The following CADM2 variants were observed in gnomAD, a reference collection of about 807,000 sequenced individuals.
CADM2 encodes the protein cell adhesion molecule 2, also known as immunoglobulin superfamily member 4D.
CADM2 carries 12 observed loss-of-function variants against 49.8 expected under a neutral mutation model. That is an observed-to-expected ratio of 0.24 (90% CI 0.15 to 0.39). The LOEUF (loss-of-function observed/expected upper bound fraction) is 0.39. CADM2 is among the 10% of genes least tolerant of loss of function. The probability of loss-of-function intolerance (pLI) is 1.00; values close to 1 mark genes in which losing one functional copy is unlikely to be tolerated. For synonymous variants in CADM2, 214 were observed against 175.4 expected, an observed-to-expected ratio of 1.22 and a Z score of -1.74; for missense variants, 378 against 492.3, an observed-to-expected ratio of 0.77 and a Z score of 2.20.
chr3:85,830,957 C>G (rs1345099281), intron 3 of CADM2, among the ~76,000 whole-genome samples: 1 of 151,636 alleles, frequency 6.6e-6, no homozygotes. Flanking sequence ...GAGCATAGAC[C>G]TGATAAGTAG....
chr3:85,193,119 T>A (rs2041248540), intron 1 of CADM2, among the ~76,000 whole-genome samples: 1 of 152,010 alleles, frequency 6.6e-6, no homozygotes, highest in Non-Finnish European at 1.5e-5. Flanking sequence ...AAGTAGGAAG[T>A]CTTGATATGA....
intron 1 of CADM2, among the ~76,000 whole-genome samples, chr3:85,285,115 T>C (rs1358999485): frequency 2.0e-5 from 3 of 152,104 alleles, no homozygotes; most frequent in South Asian, 4.1e-4. Flanking sequence ...AAGAAGGCAG[T>C]TGGAAGGACA....
At chr3:86,013,604 A>C (rs1559800932) in intron 8 of CADM2, 1 of 1,600,148 alleles carries the variant, frequency 6.2e-7, no homozygotes. Flanking sequence ...GGGAAGAGAG[A>C]GAATCACACT....
intron 7 of CADM2, among the ~76,000 whole-genome samples, chr3:85,942,220 T>TAA: frequency 6.6e-6 from 1 of 151,768 alleles, no homozygotes; most frequent in East Asian, 1.9e-4. Context: ...AAATAGTTGT[T>TAA]AAAAAAAATA....
chr3:85,090,155 T>C (rs1009963628), intron 1 of CADM2, among the ~76,000 whole-genome samples: 6 of 152,178 alleles, frequency 3.9e-5, no homozygotes, highest in Non-Finnish European at 7.4e-5. Flanking sequence ...AAAGTTGTAA[T>C]TTACTTGATT....
rs191000335 is a variant in CADM2, at chr3:85,104,706, G to C, written c.61+145038G>C. Among the ~76,000 whole-genome samples, 81 of 152,262 alleles carry C rather than the reference G, an allele frequency of 5.3e-4. No homozygotes were observed. In the East Asian group the frequency reaches 0.011, roughly 20 times the overall value. ...ATTGATTCTTCCTAACCATGAGCAT[G>C]GAATGCTCTTCCATTTGTTTGTATC... On this transcript the variant is annotated intron_variant, in intron 1 of 9. Transcript: ENST00000383699.
At chr3:85,225,775 A>G (rs1415526935) in intron 1 of CADM2, among the ~76,000 whole-genome samples, 1 of 152,194 alleles carries the variant, frequency 6.6e-6, no homozygotes, top group African/African-American at 2.4e-5. Flanking sequence ...GATATGTTCC[A>G]TCAGTACCTA....
intron 6 of CADM2, among the ~76,000 whole-genome samples, chr3:85,922,985 C>A (rs539423543): frequency 7.2e-4 from 109 of 151,934 alleles, no homozygotes; most frequent in African/African-American, 2.5e-3. Flanking sequence ...CCACACCCAG[C>A]TAATTTTTTG....
intron 1 of CADM2, among the ~76,000 whole-genome samples, chr3:85,025,070 T>C (rs1241047297): frequency 6.6e-6 from 1 of 152,172 alleles, no homozygotes; most frequent in Non-Finnish European, 1.5e-5. Flanking sequence ...ACTTACTCTT[T>C]GTCAGATGAG....
intron 1 of CADM2, among the ~76,000 whole-genome samples, chr3:85,026,450 A>G (rs1342125526): frequency 1.3e-5 from 2 of 152,214 alleles, no homozygotes; most frequent in African/African-American, 4.8e-5. Context: ...ATATAGCAGA[A>G]TAAAGCAAGT....
intron 3 of CADM2, among the ~76,000 whole-genome samples, chr3:85,839,203 T>A (rs2074533475): frequency 6.6e-6 from 1 of 151,832 alleles, no homozygotes; most frequent in Non-Finnish European, 1.5e-5. Flanking sequence ...GCATAGGGCC[T>A]GAGAGGAATA....
intron 2 of CADM2, among the ~76,000 whole-genome samples, chr3:85,784,071 C>T (rs1392721783): frequency 6.6e-6 from 1 of 152,164 alleles, no homozygotes; most frequent in African/African-American, 2.4e-5. Flanking sequence ...CGCTATCTCA[C>T]ACACACTGCA....
chr3:85,540,863 A>G (rs1396225771), intron 1 of CADM2, among the ~76,000 whole-genome samples: 1 of 152,070 alleles, frequency 6.6e-6, no homozygotes, highest in East Asian at 1.9e-4. Flanking sequence ...AGGCTTGCAG[A>G]TTCTTCCCAC....
chr3:85,894,184 C>T (rs1482217871), intron 5 of CADM2, among the ~76,000 whole-genome samples: 3 of 150,760 alleles, frequency 2.0e-5, no homozygotes, highest in Non-Finnish European at 4.4e-5. Flanking sequence ...ATGATGAGTT[C>T]ATGTCCTTTG....
chr3:85,562,266 G>A (rs1429658332), intron 1 of CADM2, among the ~76,000 whole-genome samples: 1 of 151,948 alleles, frequency 6.6e-6, no homozygotes, highest in Non-Finnish European at 1.5e-5. Context: ...GATCACCTGA[G>A]GTCGGGAGTT....
chr3:84,972,964 G>C (rs1008665057), intron 1 of CADM2, among the ~76,000 whole-genome samples: 7 of 152,062 alleles, frequency 4.6e-5, no homozygotes, highest in Non-Finnish European at 1.0e-4. Context: ...GCCCAGGCTA[G>C]AGTGCAGTGG....
At chr3:85,543,078 C>T (rs116425169) in intron 1 of CADM2, among the ~76,000 whole-genome samples, 1,746 of 152,122 alleles carry the variant, frequency 0.011, 15 homozygotes, top group Non-Finnish European at 0.016. Context: ...CATTTTTCTC[C>T]ATAAGCTGTG....
intron 2 of CADM2, among the ~76,000 whole-genome samples, chr3:85,764,747 G>A (rs556128650): frequency 6.6e-6 from 1 of 152,096 alleles, no homozygotes; most frequent in African/African-American, 2.4e-5. Flanking sequence ...GTTCCTAGAT[G>A]ATTAATAATA....
intron 1 of CADM2, among the ~76,000 whole-genome samples, chr3:85,043,854 C>T (rs1310769040): frequency 6.6e-6 from 1 of 152,058 alleles, no homozygotes; most frequent in African/African-American, 2.4e-5. Flanking sequence ...AATTCAATAT[C>T]CATGCAATAG....
Sources: gnomAD v4.1 joint callset for allele counts (sites outside exome capture counted in the v4.1 genomes callset) on GRCh38, gnomAD v4.1.1 for gene constraint, MANE v1.5 for transcripts, NCBI Gene and HGNC (gene_info 2026-07-23, HGNC 2026-07-21) for gene names.